Variants in DNAH6 observed in about 807,000 individuals in gnomAD.
DNAH6 encodes the protein axonemal beta dynein heavy chain 6.
In DNAH6, 340 loss-of-function variants were observed where a neutral mutation model predicts 491.4. That is an observed-to-expected ratio of 0.69 (90% CI 0.63 to 0.76). The LOEUF (loss-of-function observed/expected upper bound fraction) is 0.76. DNAH6 is among the 30% of genes least tolerant of loss of function. The probability of loss-of-function intolerance (pLI) is 0.00; values close to 1 mark genes in which losing one functional copy is unlikely to be tolerated. For missense variants in DNAH6, 4,443 were observed against 4,972.2 expected (o/e 0.89, Z 3.20); for synonymous variants, 1,603 against 1,686.1 (o/e 0.95, Z 1.21).
chr2:84,563,830 T>TTAAA (rs1680904620), intron 11 of DNAH6, among the ~76,000 whole-genome samples: 1 of 152,186 alleles, frequency 6.6e-6, no homozygotes, highest in African/African-American at 2.4e-5. Flanking sequence ...TAGTTTGAGA[T>TTAAA]TGTACATTTA....
intron 61 of DNAH6, among the ~76,000 whole-genome samples, chr2:84,729,040 G>T (rs1422889533): frequency 1.3e-5 from 2 of 151,962 alleles, no homozygotes; most frequent in African/African-American, 4.8e-5. Flanking sequence ...AGCACCCCAT[G>T]TTCCCAGAAA....
chr2:84,548,400 T>C lies in DNAH6; in HGVS notation c.1299T>C (p.Tyr433=), dbSNP rs1679003446. 5 of 1,613,972 alleles carry C rather than the reference T, an allele frequency of 3.1e-6. No individual in the cohort carries two copies. The highest frequency in any genetic ancestry group is 2.5e-6 in the Non-Finnish European group (3 of 1,179,946). The change falls in exon 8 of 77, where the codon TAT becomes TAC. Residue 433 remains tyrosine, a synonymous_variant. Transcript: ENST00000389394. Reference sequence around the variant, plus strand: ...CAGAACAGGCCAGCAAAAGGCATTATTGCATGAGGCTGACGTGGTAAGATT... The same window carrying C: ...CAGAACAGGCCAGCAAAAGGCATTACTGCATGAGGCTGACGTGGTAAGATT... ...TYTEQASKRH[Y]CMRLTCFIRL... is the part of the protein sequence containing the mutation.
the DNAH6 span, among the ~76,000 whole-genome samples, chr2:84,471,236 A>G: frequency 6.6e-6 from 1 of 152,170 alleles, no homozygotes; most frequent in East Asian, 1.9e-4. Flanking sequence ...ATTACTAGCT[A>G]TCATTATTAC....
chr2:84,673,017 C>T (rs989649671), intron 40 of DNAH6, among the ~76,000 whole-genome samples: 1 of 152,060 alleles, frequency 6.6e-6, no homozygotes, highest in African/African-American at 2.4e-5. Context: ...TCCCAGAGAG[C>T]TTCAGAGGGT....
intron 4 of DNAH6, among the ~76,000 whole-genome samples, chr2:84,534,069 A>G (rs982255008): frequency 6.6e-6 from 1 of 152,030 alleles, no homozygotes; most frequent in African/African-American, 2.4e-5. Context: ...CATATTTATT[A>G]TTTTAAAATT....
chr2:84,797,136 C>T (rs138907082), intron 69 of DNAH6, among the ~76,000 whole-genome samples: 1 of 152,264 alleles, frequency 6.6e-6, no homozygotes, highest in African/African-American at 2.4e-5. Flanking sequence ...TTAGTTTGGG[C>T]AATTAGAGAG....
rs34477648 is a variant in DNAH6, at chr2:84,681,742, GA to G, written c.6916+229del. On this transcript the variant is annotated intron_variant, in intron 42 of 76. Transcript: ENST00000389394. ...CCCAGCTGATTACTTGTCTTTCACTGAAAAAAAAAAAAAAATAGAAGCAGTT... is the reference window on the plus strand; with the variant it reads ...CCCAGCTGATTACTTGTCTTTCACTGAAAAAAAAAAAAAATAGAAGCAGTT... Among the ~76,000 whole-genome samples the G allele has an allele frequency of 5.6e-3, 746 of 132,330 alleles. 1 individual carries two copies. Among genetic ancestry groups the G allele is most frequent in the African/African-American group, 8.4e-3 (307 of 36,748 alleles). The allele number at this position is 132,330 out of a possible 152,430, so 86.8% of individuals were successfully genotyped here.
chr2:84,497,337 C>T, the DNAH6 span, among the ~76,000 whole-genome samples: 1 of 152,130 alleles, frequency 6.6e-6, no homozygotes, highest in African/African-American at 2.4e-5. Flanking sequence ...CAGATATGAC[C>T]ATGTTGTTGT....
chr2:84,694,512 A>C (rs1451886710), intron 46 of DNAH6, 32 bp downstream of exon 46: 1 of 1,481,666 alleles, frequency 6.7e-7, no homozygotes, highest in South Asian at 1.2e-5. Context: ...GGGTGAGAAC[A>C]GGAAATGTAT....
rs1490324785 is a variant in DNAH6, at chr2:84,653,607, T to C, written c.5367T>C (p.Tyr1789=). The C allele has an allele frequency of 1.3e-6, 2 of 1,551,356 alleles. No homozygotes were observed. The highest frequency in any genetic ancestry group is 1.7e-6 in the Non-Finnish European group (2 of 1,146,730). ...CCTTTTACCAAGCAGTTAAAACATA[T>C]GTTCTCAACCCTAAATCAATTACCA... ...ENSFYQAVKT[Y]VLNPKSITMG... The change falls in exon 34 of 77, where the codon TAT becomes TAC. Residue 1789 remains tyrosine, a synonymous_variant. Coordinates refer to ENST00000389394, the MANE Select transcript of DNAH6 (RefSeq NM_001370.2).
intron 2 of DNAH6, among the ~76,000 whole-genome samples, chr2:84,524,673 A>G (rs1015438002): frequency 6.6e-6 from 1 of 151,906 alleles, no homozygotes; most frequent in Non-Finnish European, 1.5e-5. Flanking sequence ...TGTTTTCCTT[A>G]TTAATTTCAG....
intron 70 of DNAH6, among the ~76,000 whole-genome samples, chr2:84,801,569 A>G (rs912481491): frequency 2.0e-5 from 3 of 152,176 alleles, no homozygotes; most frequent in Non-Finnish European, 4.4e-5. Context: ...TTGGGGGCCC[A>G]TTTTTAGCAT....
At chr2:84,508,201 C>A in the DNAH6 span, among the ~76,000 whole-genome samples, 1 of 152,096 alleles carries the variant, frequency 6.6e-6, no homozygotes, top group Non-Finnish European at 1.5e-5. Context: ...TGGTCCTGGA[C>A]TTTTTTTGGT....
chr2:84,548,724 A>G (rs1301486310), intron 8 of DNAH6, among the ~76,000 whole-genome samples: 1 of 151,964 alleles, frequency 6.6e-6, no homozygotes, highest in Non-Finnish European at 1.5e-5. Context: ...GGCCCAGAAG[A>G]CCCCCTTTTC....
chr2:84,557,952 T>C lies in DNAH6; in HGVS notation c.1803+17T>C. On this transcript the variant is annotated intron_variant, in intron 11 of 76. Coordinates refer to ENST00000389394, the MANE Select transcript of DNAH6 (RefSeq NM_001370.2). ...CAAATAAAGGTATGTTTACTCTGAC[T>C]AAAACTATTCTATAATATTCTCAAT... is the stretch of plus-strand genomic sequence containing the variant. The C allele has an allele frequency of 1.3e-6, 2 of 1,508,136 alleles. No individual in the cohort carries two copies. Among genetic ancestry groups the C allele is most frequent in the Non-Finnish European group, 1.8e-6 (2 of 1,093,026 alleles). The allele number at this position is 1,508,136 out of a possible 1,614,324, so 93.4% of individuals were successfully genotyped here.
the DNAH6 span, among the ~76,000 whole-genome samples, chr2:84,479,131 A>G: frequency 6.6e-6 from 1 of 152,204 alleles, no homozygotes. Context: ...GTAGTCTCCA[A>G]CATTCAGCTG....
In DNAH6 at chr2:84,620,491, A is replaced by G. The variant is rs190941640; in HGVS notation, c.3792+587A>G. On this transcript the variant is annotated intron_variant, in intron 24 of 76. Coordinates refer to ENST00000389394, the MANE Select transcript of DNAH6 (RefSeq NM_001370.2). ...GACTTCACAGAGGAGAGCCACACAT[A>G]TGCACACACACACAAAGTCAAGTAT... is the stretch of plus-strand genomic sequence containing the variant. 3.4e-3 allele frequency among the ~76,000 whole-genome samples: 523 copies of G among 152,232 alleles called. 1 individual carries two copies. The highest frequency in any genetic ancestry group is 0.011 in the African/African-American group (476 of 41,546).
rs750756488 is a variant in DNAH6 at position 84,624,620 on chromosome 2, A to C, written c.4353A>C (p.Thr1451=). 9.7e-6 allele frequency: 15 copies of C among 1,551,014 alleles called. No individual in the cohort carries two copies. The highest frequency in any genetic ancestry group is 1.2e-5 in the Non-Finnish European group (14 of 1,146,756). The part of the protein sequence containing the change: ...ACPRLVITPL[T]DRCYLCLMGA... ...CAAGATTGGTTATTACTCCACTCAC[A>C]GTAAGTTATTGATCACTTGGGTTAA... The change falls in exon 28 of 77, where the codon ACA becomes ACC. Residue 1451 remains threonine (T), a splice_region_variant and synonymous_variant. Transcript: ENST00000389394.
intron 59 of DNAH6, among the ~76,000 whole-genome samples, chr2:84,720,059 C>T (rs1422621885): frequency 2.6e-5 from 4 of 152,046 alleles, no homozygotes; most frequent in African/African-American, 4.8e-5. Context: ...TCTCAGCATC[C>T]AGTCTGCAGT....
Sources: gnomAD v4.1 joint callset for allele counts (sites outside exome capture counted in the v4.1 genomes callset) on GRCh38, gnomAD v4.1.1 for gene constraint, MANE v1.5 for transcripts, NCBI Gene and HGNC (gene_info 2026-07-23, HGNC 2026-07-21) for gene names.